NACC2: variants seen among roughly 807,000 people sequenced by gnomAD.
NACC2 encodes nucleus accumbens-associated protein 2.
Under a neutral mutation model 25.1 loss-of-function variants are expected in NACC2, and 8 were observed. The ratio of observed to expected loss-of-function variants is 0.32; its 90% confidence interval spans 0.19 to 0.57. The LOEUF is 0.57. NACC2 is among the 20% of genes least tolerant of loss of function. The pLI is 0.89. For synonymous variants in NACC2, 435 were observed against 294.7 expected (o/e 1.48, Z -4.88); for missense variants, 644 against 650.2 (o/e 0.99, Z 0.10).
rs1196899651 is a variant in NACC2 at position 136,006,924 on chromosome 9, G to T, written c.*4592C>A. 6.6e-6 allele frequency: 1 copy of T among 152,576 alleles called. No homozygotes were observed. Among genetic ancestry groups the T allele is most frequent in the Non-Finnish European group, 1.5e-5 (1 of 68,198 alleles). The allele number at this position is 152,576 out of a possible 1,614,324, so 9.5% of individuals were successfully genotyped here. A position where few individuals can be genotyped will look rare whatever the true frequency, so the allele number is the denominator to read the frequency against. ...AAAATTTATTTTTTAACAGTCGTGAGTTACAGTACTTTAACCCCTAAACAG... is the reference window on the plus strand; with the variant it reads ...AAAATTTATTTTTTAACAGTCGTGATTTACAGTACTTTAACCCCTAAACAG... On this transcript the variant is annotated 3_prime_UTR_variant, in exon 6 of 6. Coordinates refer to ENST00000277554, the MANE Select transcript of NACC2 (RefSeq NM_144653.5).
At chr9:136,090,357 G>A (rs1226038122) in intron 1 of NACC2, among the ~76,000 whole-genome samples, 1 of 152,010 alleles carries the variant, frequency 6.6e-6, no homozygotes, top group Admixed American at 6.5e-5. Flanking sequence ...GAAGAACCAA[G>A]GAAGGCCCAC....
chr9:136,059,999 G>A (rs1302077595), intron 1 of NACC2, among the ~76,000 whole-genome samples: 1 of 152,244 alleles, frequency 6.6e-6, no homozygotes, highest in East Asian at 1.9e-4. Context: ...GGAGGCACAG[G>A]GCCGAGGGAC....
chr9:136,008,467 C>T lies in NACC2; in HGVS notation c.*3049G>A, dbSNP rs1353098598. The T allele has an allele frequency of 6.6e-6, 1 of 152,270 alleles. No individual in the cohort carries two copies. 9.4% of individuals were successfully genotyped at this position (152,270 alleles called of 1,614,324 possible). ...TGTAATAGATTCTATATAGGATATG[C>T]GTATTGCTAATAGTCAGGCTTAGGG... On this transcript the variant is annotated 3_prime_UTR_variant, in exon 6 of 6. Transcript: ENST00000277554.
Position 136,083,915 on chromosome 9 carries a change from G to C in NACC2, c.-60+11274C>G, listed in dbSNP as rs560343815. Among the ~76,000 whole-genome samples the C allele has an allele frequency of 5.9e-4, 90 of 152,196 alleles. 1 individual carries two copies. The highest frequency in any genetic ancestry group is 6.8e-3 in the Middle Eastern group (2 of 294). ...GAACCTGGCTGGCCCAGGCAGCTCTGGGGCCCAGAGACAGATGCAGTCAAA... is the reference window on the plus strand; with the variant it reads ...GAACCTGGCTGGCCCAGGCAGCTCTCGGGCCCAGAGACAGATGCAGTCAAA... On this transcript the variant is annotated intron_variant, in intron 1 of 5. Transcript: ENST00000277554.
chr9:136,069,877 C>T (rs1366148566), intron 1 of NACC2, among the ~76,000 whole-genome samples: 2 of 151,950 alleles, frequency 1.3e-5, no homozygotes, highest in African/African-American at 2.4e-5. Flanking sequence ...GAGACTTCAA[C>T]AGCCTTCTCT....
At chr9:136,065,100 C>T (rs772510076) in intron 1 of NACC2, among the ~76,000 whole-genome samples, 7 of 152,194 alleles carry the variant, frequency 4.6e-5, no homozygotes, top group Non-Finnish European at 1.0e-4. Context: ...AACTATAAAA[C>T]TCTTACAAGA....
chr9:136,033,511 G>A (rs1019005743), intron 2 of NACC2, among the ~76,000 whole-genome samples: 12 of 150,450 alleles, frequency 8.0e-5, no homozygotes, highest in African/African-American at 1.2e-4. Flanking sequence ...TTAGCCAGGC[G>A]TGGTGGCGGG....
chr9:136,018,962 G>T lies in NACC2; in HGVS notation c.887-2533C>A, dbSNP rs545823195. Among the ~76,000 whole-genome samples, 5 of 151,446 alleles carry T rather than the reference G, an allele frequency of 3.3e-5. No individual in the cohort carries two copies. Among genetic ancestry groups the T allele is most frequent in the Non-Finnish European group, 7.4e-5 (5 of 67,854 alleles). ...AAACAGCAGAAGTTGTTTGTGCTTG[G>T]AACACCCGCCCCTCCCCAGCCCCTG... On this transcript the variant is annotated intron_variant, in intron 2 of 5. Transcript: ENST00000277554. The surrounding 1 kb of genome is among the most constrained non-coding windows in gnomAD (Gnocchi z 4.4).
chr9:136,046,331 GGCGTT>G (rs1840724395), intron 2 of NACC2, among the ~76,000 whole-genome samples: 1 of 152,206 alleles, frequency 6.6e-6, no homozygotes, highest in South Asian at 2.1e-4. Flanking sequence ...AACTGCACTG[GGCGTT>G]TCCCTTCCGG....
At chr9:136,068,627 GC>G (rs1409242121) in intron 1 of NACC2, among the ~76,000 whole-genome samples, 1 of 151,648 alleles carries the variant, frequency 6.6e-6, no homozygotes, top group East Asian at 1.9e-4. Context: ...CCCCTGAACT[GC>G]TGTTATGCAG....
At chr9:136,081,042 C>G (rs1315380562) in intron 1 of NACC2, among the ~76,000 whole-genome samples, 2 of 152,174 alleles carry the variant, frequency 1.3e-5, no homozygotes, top group Non-Finnish European at 2.9e-5. Context: ...ATCCCAGAAC[C>G]CCACGGGCCC....
At chr9:136,014,077 G>A in intron 3 of NACC2, 108 bp from the exon 4 acceptor site, 1 of 723,220 alleles carries the variant, frequency 1.4e-6, no homozygotes, top group Non-Finnish European at 2.2e-6. Context: ...GGGAGGAGGA[G>A]CTGGAAGCTT....
rs1430504661 is a variant in NACC2 at position 136,055,005 on chromosome 9, C to T, written c.-59-4425G>A. Among the ~76,000 whole-genome samples the T allele has an allele frequency of 2.6e-5, 4 of 152,150 alleles. 1 individual carries two copies. Among genetic ancestry groups the T allele is most frequent in the Non-Finnish European group, 5.9e-5 (4 of 68,006 alleles). ...CAGACACACAGAGGAGGCTGGGTTC[C>T]TCTGAGCCCACAAGCCACCCTCAGG... On this transcript the variant is annotated intron_variant, in intron 1 of 5. Coordinates refer to ENST00000277554, the MANE Select transcript of NACC2 (RefSeq NM_144653.5). This position sits in a 1 kb window ranked among gnomAD's most constrained non-coding sequence, Gnocchi z 4.9.
Position 136,035,274 on chromosome 9 carries a change from A to C in NACC2, c.886+14362T>G, listed in dbSNP as rs550280736. Among the ~76,000 whole-genome samples the C allele has an allele frequency of 8.5e-5, 13 of 152,224 alleles. No individual in the cohort carries two copies. In the East Asian group the frequency reaches 9.6e-4, roughly 11 times the overall value. On this transcript the variant is annotated intron_variant, in intron 2 of 5. Transcript: ENST00000277554. ...CACCTGGCAGAGACCACCTGCACCA[A>C]ACCATCAAAGGAACATCACCAATAT... is the stretch of plus-strand genomic sequence containing the variant.
intron 5 of NACC2, among the ~76,000 whole-genome samples, chr9:136,012,279 G>A (rs537782493): frequency 4.6e-5 from 7 of 152,376 alleles, no homozygotes; most frequent in South Asian, 2.1e-4. Flanking sequence ...TTGGCCGTCC[G>A]CCAGCTGTGA....
intron 1 of NACC2, among the ~76,000 whole-genome samples, chr9:136,051,011 G>T (rs1179078616): frequency 1.3e-5 from 2 of 152,232 alleles, no homozygotes; most frequent in African/African-American, 4.8e-5. Context: ...TCCCGGGAGG[G>T]GCCGCGCTGG....
intron 1 of NACC2, among the ~76,000 whole-genome samples, chr9:136,066,837 C>T (rs1047790038): frequency 3.3e-5 from 5 of 151,278 alleles, no homozygotes; most frequent in South Asian, 2.1e-4. Context: ...ATGAGCGCTA[C>T]GCTAAGCGAA....
chr9:136,064,286 C>T (rs35034816), intron 1 of NACC2, among the ~76,000 whole-genome samples: 59,818 of 151,856 alleles, frequency 0.39, 12,692 homozygotes, highest in Non-Finnish European at 0.48. Flanking sequence ...GAGGCCCTGC[C>T]TCAAAAAAAA....
rs145220059 is a variant in NACC2 at position 136,016,475 on chromosome 9, G to A, written c.887-46C>T. 2.5e-4 allele frequency: 394 copies of A among 1,606,530 alleles called. 1 individual carries two copies. In the African/African-American group the frequency reaches 3.9e-3, roughly 16 times the overall value. On this transcript the variant is annotated intron_variant, in intron 2 of 5. Coordinates refer to ENST00000277554, the MANE Select transcript of NACC2 (RefSeq NM_144653.5). Reference sequence around the variant, plus strand: ...TGGTCAGATGGGCATCTGGGGGGCCGGGCTGCTCTGTGCCTGCCCGCCTGC... The same window carrying A: ...TGGTCAGATGGGCATCTGGGGGGCCAGGCTGCTCTGTGCCTGCCCGCCTGC...
Sources: gnomAD v4.1 joint callset for allele counts (sites outside exome capture counted in the v4.1 genomes callset) on GRCh38, gnomAD v4.1.1 for gene constraint, Gnocchi (gnomAD v3.1) non-coding constraint, MANE v1.5 for transcripts, NCBI Gene and HGNC (gene_info 2026-07-23, HGNC 2026-07-21) for gene names.